Variants in WWOX observed in about 807,000 individuals in gnomAD.
WWOX encodes WW domain containing oxidoreductase, also known as WW domain-containing oxidoreductase.
WWOX carries 69 observed loss-of-function variants against 46.2 expected under a neutral mutation model. The observed-to-expected ratio is 1.49, with a 90% CI of 1.23 to 1.82. The LOEUF (loss-of-function observed/expected upper bound fraction) is 1.82. WWOX is among the 40% of genes most tolerant of loss of function. The pLI is 0.00. For synonymous variants in WWOX, 359 were observed against 202.6 expected (o/e 1.77, Z -6.56); for missense variants, 919 against 542.6 (o/e 1.69, Z -6.89).
chr16:78,359,708 A>T (rs2081368884), intron 5 of WWOX, among the ~76,000 whole-genome samples: 1 of 152,248 alleles, frequency 6.6e-6, no homozygotes, highest in Non-Finnish European at 1.5e-5. Flanking sequence ...CCACAAAAAC[A>T]CAACCTTTTA....
chr16:78,755,933 A>T (rs1046175168), intron 8 of WWOX, among the ~76,000 whole-genome samples: 5 of 152,212 alleles, frequency 3.3e-5, no homozygotes, highest in African/African-American at 1.2e-4. Flanking sequence ...TGAGAAGAAC[A>T]TATGCCAAGG....
intron 8 of WWOX, among the ~76,000 whole-genome samples, chr16:78,982,584 G>A (rs867332085): frequency 6.6e-5 from 10 of 152,274 alleles, no homozygotes; most frequent in South Asian, 2.1e-4. Flanking sequence ...TTAGCTAGGC[G>A]CTGCTATTGT....
At position 78,420,999 on chromosome 16, in the gene WWOX, T is replaced by C. The variant is rs182066723; in HGVS notation, c.606-3871T>C. 1.2e-3 allele frequency among the ~76,000 whole-genome samples: 189 copies of C among 152,314 alleles called. 2 individuals carry two copies. The highest frequency in any genetic ancestry group is 2.1e-3 in the Non-Finnish European group (145 of 68,028). On this transcript the variant is annotated intron_variant, in intron 6 of 8. Transcript: ENST00000566780. ...GGGAACCTCTGGCTTAATCATTATT[T>C]ATCCACTTCTCTGTTGTTGGATGTT...
chr16:78,466,580 A>C (rs936289759), intron 8 of WWOX, among the ~76,000 whole-genome samples: 34 of 152,270 alleles, frequency 2.2e-4, no homozygotes, highest in African/African-American at 7.7e-4. Context: ...CTGTAATCCC[A>C]GCACTTTGGG....
rs568389901 is a variant in WWOX, at chr16:78,851,923, G to A, written c.1057-359685G>A. ...TTTAAACCCTTCATGCCCATCTTCA[G>A]CATCATTGCTAAAGCCTCTTGGTTT... On this transcript the variant is annotated intron_variant, in intron 8 of 8. Transcript: ENST00000566780. Among the ~76,000 whole-genome samples the A allele has an allele frequency of 5.9e-5, 9 of 152,192 alleles. No homozygotes were observed. The South Asian group carries it at 1.9e-3, about 32-fold the overall frequency.
intron 8 of WWOX, among the ~76,000 whole-genome samples, chr16:78,518,439 G>A (rs1002824810): frequency 6.6e-6 from 1 of 151,952 alleles, no homozygotes; most frequent in Non-Finnish European, 1.5e-5. Context: ...CAGGTTGGTC[G>A]TGAACTCCTG....
In WWOX at chr16:79,212,121, A is replaced by C. The variant is rs960588066; in HGVS notation, c.*325A>C. On this transcript the variant is annotated 3_prime_UTR_variant, in exon 9 of 9. Transcript: ENST00000566780. ...CAGCAATTCTCTTTCTTTTACTGTTATAGAATAGCCTGAGGTCCCCTCGTC... is the reference window on the plus strand; with the variant it reads ...CAGCAATTCTCTTTCTTTTACTGTTCTAGAATAGCCTGAGGTCCCCTCGTC... 26 of 1,533,902 alleles carry C rather than the reference A, an allele frequency of 1.7e-5. No individual in the cohort carries two copies. In the East Asian group the frequency reaches 3.2e-4, roughly 19 times the overall value.
At chr16:78,468,737 C>A (rs1370243384) in intron 8 of WWOX, among the ~76,000 whole-genome samples, 1 of 152,140 alleles carries the variant, frequency 6.6e-6, no homozygotes, top group Non-Finnish European at 1.5e-5. Flanking sequence ...ATGGTACTTA[C>A]CTCAAAGAAT....
intron 8 of WWOX, among the ~76,000 whole-genome samples, chr16:78,793,588 G>C (rs1423140473): frequency 2.6e-5 from 4 of 152,148 alleles, no homozygotes; most frequent in Admixed American, 6.5e-5. Flanking sequence ...TAGTACATAA[G>C]AGGTAACCTT....
chr16:79,016,449 G>A (rs965335174), intron 8 of WWOX: 1 of 152,240 alleles, frequency 6.6e-6, no homozygotes, highest in Admixed American at 6.5e-5. Flanking sequence ...TTGAGACAGA[G>A]TCTCGCTCCG....
intron 8 of WWOX, among the ~76,000 whole-genome samples, chr16:78,986,578 A>G (rs563382796): frequency 6.6e-6 from 1 of 152,342 alleles, no homozygotes; most frequent in East Asian, 1.9e-4. Flanking sequence ...CCGATAGGCT[A>G]CTTGACATCA....
chr16:78,798,538 C>G (rs1466140062), intron 8 of WWOX, among the ~76,000 whole-genome samples: 7 of 151,070 alleles, frequency 4.6e-5, no homozygotes. Context: ...TTATCATTCA[C>G]AAGCTTAGCT....
chr16:78,299,330 T>A (rs1206851560), intron 5 of WWOX, among the ~76,000 whole-genome samples: 1 of 152,154 alleles, frequency 6.6e-6, no homozygotes, highest in African/African-American at 2.4e-5. Context: ...GAGTCTTTGG[T>A]ATGCATAAAT....
chr16:78,645,752 A>G (rs1238924345), intron 8 of WWOX, among the ~76,000 whole-genome samples: 3 of 152,160 alleles, frequency 2.0e-5, no homozygotes, highest in African/African-American at 7.2e-5. Flanking sequence ...AACATTGGAG[A>G]TCAAATTTCA....
At chr16:78,136,866 T>C (rs2151702828) in intron 4 of WWOX, among the ~76,000 whole-genome samples, 1 of 152,168 alleles carries the variant, frequency 6.6e-6, no homozygotes, top group East Asian at 1.9e-4. Context: ...ACCACCACAA[T>C]TAGACAGGGT....
intron 8 of WWOX, among the ~76,000 whole-genome samples, chr16:78,633,150 T>C (rs1324852678): frequency 6.6e-6 from 1 of 151,974 alleles, no homozygotes; most frequent in Non-Finnish European, 1.5e-5. Flanking sequence ...TAATCCCAGT[T>C]ACTCGGGAGG....
chr16:79,165,028 C>G (rs970907432), intron 8 of WWOX, among the ~76,000 whole-genome samples: 3 of 151,932 alleles, frequency 2.0e-5, no homozygotes, highest in South Asian at 2.1e-4. Flanking sequence ...CTTTTAACCT[C>G]TATTTGAGGG....
At chr16:78,738,469 G>C (rs1392599137) in intron 8 of WWOX, among the ~76,000 whole-genome samples, 1 of 152,140 alleles carries the variant, frequency 6.6e-6, no homozygotes, top group Non-Finnish European at 1.5e-5. Flanking sequence ...TATAAAAAGA[G>C]AATTTTGAAA....
At chr16:78,825,570 C>G in intron 8 of WWOX, 1 of 532,630 alleles carries the variant, frequency 1.9e-6, no homozygotes, top group Non-Finnish European at 3.8e-6. Flanking sequence ...GGTCTGTGTG[C>G]CATTGCCCAG....
Sources: gnomAD v4.1 joint callset for allele counts (sites outside exome capture counted in the v4.1 genomes callset) on GRCh38, gnomAD v4.1.1 for gene constraint, MANE v1.5 for transcripts, NCBI Gene and HGNC (gene_info 2026-07-23, HGNC 2026-07-21) for gene names.